The following KLHL2 variants were observed in gnomAD, a reference collection of about 807,000 sequenced individuals.
The protein encoded by KLHL2 is kelch like family member 2, also known as kelch-like protein 2.
KLHL2 carries 15 observed loss-of-function variants against 75.8 expected under a neutral mutation model. That is an observed-to-expected ratio of 0.20 (90% CI 0.13 to 0.30). The LOEUF (loss-of-function observed/expected upper bound fraction) is 0.30, where lower values mean the gene tolerates loss of function less well. Ranked by LOEUF, KLHL2 falls within the 10% of genes least tolerant of loss-of-function variation. The pLI, the probability that KLHL2 is intolerant of heterozygous loss-of-function variation, is 1.00. For missense variants in KLHL2, 381 were observed against 741.0 expected, an observed-to-expected ratio of 0.51 and a Z score of 5.64; for synonymous variants, 214 against 251.9, an observed-to-expected ratio of 0.85 and a Z score of 1.42.
At chr4:165,265,775 A>G (rs1372650398) in intron 5 of KLHL2, among the ~76,000 whole-genome samples, 3 of 152,198 alleles carry the variant, frequency 2.0e-5, no homozygotes, top group African/African-American at 7.2e-5. Flanking sequence ...TAGTGTCGCA[A>G]TAAACATGTG....
intron 4 of KLHL2, among the ~76,000 whole-genome samples, chr4:165,253,440 GAA>G (rs958310209): frequency 6.6e-6 from 1 of 152,052 alleles, no homozygotes; most frequent in African/African-American, 2.4e-5. Context: ...ATAATGACAG[GAA>G]AAAAAGTTTG....
chr4:165,286,503 G>A (rs1744104798), intron 5 of KLHL2, among the ~76,000 whole-genome samples: 1 of 152,080 alleles, frequency 6.6e-6, no homozygotes, highest in African/African-American at 2.4e-5. Context: ...TAGTTTTAGG[G>A]AGGTAAAGGA....
chr4:165,268,925 C>T (rs1339549503), intron 5 of KLHL2, among the ~76,000 whole-genome samples: 1 of 152,148 alleles, frequency 6.6e-6, no homozygotes, highest in African/African-American at 2.4e-5. Context: ...GTGTTAAAGT[C>T]TCCCATTATT....
At chr4:165,248,734 T>C (rs1740454881) in intron 4 of KLHL2, among the ~76,000 whole-genome samples, 1 of 152,178 alleles carries the variant, frequency 6.6e-6, no homozygotes, top group Non-Finnish European at 1.5e-5. Flanking sequence ...TAGCAGATCC[T>C]AGCAAGTCTG....
intron 4 of KLHL2, among the ~76,000 whole-genome samples, chr4:165,260,020 T>A (rs1267467959): frequency 6.6e-6 from 1 of 152,122 alleles, no homozygotes; most frequent in African/African-American, 2.4e-5. Flanking sequence ...TAAATTTTGT[T>A]TTAAGTGGCT....
At chr4:165,272,135 T>C (rs1041825778) in intron 5 of KLHL2, among the ~76,000 whole-genome samples, 4 of 152,174 alleles carry the variant, frequency 2.6e-5, no homozygotes, top group Non-Finnish European at 5.9e-5. Flanking sequence ...TTGATTTCTA[T>C]TGGGTGGCCT....
chr4:165,294,477 A>G lies in KLHL2; in HGVS notation c.654+9A>G, dbSNP rs1349945189. 1 of 1,473,622 alleles carries G rather than the reference A, an allele frequency of 6.8e-7. No homozygotes were observed. Among genetic ancestry groups the G allele is most frequent in the Admixed American group, 1.7e-5 (1 of 57,498 alleles). 91.3% of individuals were successfully genotyped at this position (1,473,622 alleles called of 1,614,324 possible). A position where few individuals can be genotyped will look rare whatever the true frequency, so the allele number is the denominator to read the frequency against. Reference sequence around the variant, plus strand: ...TTTCTTCAGAAGAGAAGGTAAGGATATTTTTCTTTTCCCAGTGTGCAATGA... The same window carrying G: ...TTTCTTCAGAAGAGAAGGTAAGGATGTTTTTCTTTTCCCAGTGTGCAATGA... On this transcript the variant is annotated intron_variant, in intron 6 of 14. Transcript: ENST00000226725.
chr4:165,228,483 A>T (rs553910725), intron 2 of KLHL2, among the ~76,000 whole-genome samples: 2 of 151,554 alleles, frequency 1.3e-5, no homozygotes, highest in African/African-American at 4.8e-5. Context: ...ACTACTTCTT[A>T]TTCAGACACC....
intron 5 of KLHL2, chr4:165,279,745 C>T (rs1743510094): frequency 3.3e-6 from 3 of 912,726 alleles, no homozygotes; most frequent in Admixed American, 1.8e-5. Context: ...CGAGGCCGCG[C>T]GAGTCCGCTG....
intron 3 of KLHL2, among the ~76,000 whole-genome samples, chr4:165,235,573 T>G (rs1739274073): frequency 6.6e-6 from 1 of 152,238 alleles, no homozygotes; most frequent in Admixed American, 6.5e-5. Flanking sequence ...TAACCAGTAT[T>G]TATTGGGTAT....
At chr4:165,310,815 T>G (rs1746102045) in intron 10 of KLHL2, 65 bp downstream of exon 10, 4 of 1,329,802 alleles carry the variant, frequency 3.0e-6, no homozygotes, top group Non-Finnish European at 2.2e-6. Flanking sequence ...GTTTATGGAA[T>G]AAATTGTGGC....
chr4:165,207,791 C>G lies in KLHL2; in HGVS notation c.-86C>G. 8.2e-7 allele frequency: 1 copy of G among 1,216,560 alleles called. No individual in the cohort carries two copies. Among genetic ancestry groups the G allele is most frequent in the Non-Finnish European group, 1.1e-6 (1 of 911,434 alleles). 75.4% of individuals were successfully genotyped at this position (1,216,560 alleles called of 1,614,324 possible). ...CCGGGGCGGATGGAACGCGGCTCGGCGGGCGGGCAGTGCCGGCGTCCGCGG... is the reference window on the plus strand; with the variant it reads ...CCGGGGCGGATGGAACGCGGCTCGGGGGGCGGGCAGTGCCGGCGTCCGCGG... On this transcript the variant is annotated 5_prime_UTR_variant, in exon 1 of 15. Coordinates refer to ENST00000226725, the MANE Select transcript of KLHL2 (RefSeq NM_007246.4). The surrounding 1 kb of genome is among the most constrained non-coding windows in gnomAD (Gnocchi z 4.2).
chr4:165,221,923 AG>A (rs1184601210), intron 2 of KLHL2, among the ~76,000 whole-genome samples: 5 of 152,252 alleles, frequency 3.3e-5, no homozygotes, highest in Admixed American at 1.3e-4. Flanking sequence ...AAGAAAAGTA[AG>A]AAAAATAGTC....
rs10018737 is a variant in KLHL2 at position 165,226,541 on chromosome 4, A to G, written c.153-2266A>G. The stretch of plus-strand genomic sequence containing the variant: ...TTCCACTTTATCCTATAATTTTTGC[A>G]TTGCCAGTTTTTTCTGCTCGTCTTC... On this transcript the variant is annotated intron_variant, in intron 2 of 14. Coordinates refer to ENST00000226725, the MANE Select transcript of KLHL2 (RefSeq NM_007246.4). Among the ~76,000 whole-genome samples the G allele has an allele frequency of 6.5e-3, 984 of 151,690 alleles. 18 individuals carry two copies. Among genetic ancestry groups the G allele is most frequent in the African/African-American group, 0.022 (915 of 41,310 alleles).
intron 1 of KLHL2, among the ~76,000 whole-genome samples, chr4:165,218,906 GA>G (rs1737761189): frequency 6.6e-6 from 1 of 152,096 alleles, no homozygotes; most frequent in South Asian, 2.1e-4. Context: ...TTGGTGCCCT[GA>G]TTTTTTATGT....
intron 5 of KLHL2, among the ~76,000 whole-genome samples, chr4:165,289,894 A>C (rs60459687): frequency 0.077 from 11,678 of 152,208 alleles, 921 homozygotes; most frequent in African/African-American, 0.2. Context: ...GCGGCCAGCA[A>C]TCTCTTGCTT....
At chr4:165,250,216 C>T (rs1454718498) in intron 4 of KLHL2, among the ~76,000 whole-genome samples, 1 of 152,148 alleles carries the variant, frequency 6.6e-6, no homozygotes, top group Non-Finnish European at 1.5e-5. Context: ...CAGATCTGCT[C>T]CTCCAACATT....
At chr4:165,214,597 A>G (rs1737408182) in intron 1 of KLHL2, among the ~76,000 whole-genome samples, 2 of 152,246 alleles carry the variant, frequency 1.3e-5, no homozygotes, top group African/African-American at 4.8e-5. Context: ...CAGACATCCC[A>G]ACCTCCTCCT....
At chr4:165,314,258 C>T in intron 13 of KLHL2, 92 bp downstream of exon 13, 1 of 1,226,704 alleles carries the variant, frequency 8.2e-7, no homozygotes, top group Admixed American at 2.1e-5. Flanking sequence ...ATGGTATTTC[C>T]ATTGTTCTTT....
Sources: allele counts gnomAD v4.1 joint callset (sites outside exome capture counted in the v4.1 genomes callset), GRCh38; gene constraint gnomAD v4.1.1; non-coding constraint Gnocchi (gnomAD v3.1); transcripts MANE v1.5; gene names NCBI Gene and HGNC (gene_info 2026-07-23, HGNC 2026-07-21).